ARRB1: variants seen among roughly 807,000 people sequenced by gnomAD.
ARRB1 encodes beta-arrestin-1.
A neutral mutation model predicts 56.8 loss-of-function variants in ARRB1; 21 were observed. The observed-to-expected ratio is 0.37, with a 90% confidence interval of 0.26 to 0.53. The LOEUF (loss-of-function observed/expected upper bound fraction) is 0.53, where lower values mean the gene tolerates loss of function less well. Among genes scored for constraint, ARRB1 ranks in the 20% least tolerant of loss-of-function variants. ARRB1 has a pLI of 0.88. For missense variants in ARRB1, 424 were observed against 553.7 expected (o/e 0.77, Z 2.35); for synonymous variants, 210 against 218.6 (o/e 0.96, Z 0.35).
At chr11:75,327,375 G>A (rs574018677) in intron 1 of ARRB1, among the ~76,000 whole-genome samples, 3 of 150,608 alleles carry the variant, frequency 2.0e-5, no homozygotes, top group African/African-American at 4.9e-5. Flanking sequence ...CTAGGTTGCC[G>A]AGGATGATCT....
rs1487795478 is a variant in ARRB1, at chr11:75,263,823, G to T, written c.*2340C>A. 6.6e-6 allele frequency among the ~76,000 whole-genome samples: 1 copy of T among 152,160 alleles called. No homozygotes were observed. Among genetic ancestry groups the T allele is most frequent in the Non-Finnish European group, 1.5e-5 (1 of 68,038 alleles). ...AAATAACACTGGGCTAAACCCAAAA[G>T]GGTGAGCGTGATGTTGAGGTGCAGG... On this transcript the variant is annotated 3_prime_UTR_variant, in exon 16 of 16. Transcript: ENST00000420843.
chr11:75,285,668 T>C (rs571626962), intron 3 of ARRB1, among the ~76,000 whole-genome samples: 1 of 152,098 alleles, frequency 6.6e-6, no homozygotes, highest in South Asian at 2.1e-4. Context: ...TGATCAGCTC[T>C]GCACAGTGCC....
intron 1 of ARRB1, among the ~76,000 whole-genome samples, chr11:75,306,166 G>A (rs1795311298): frequency 6.6e-6 from 1 of 152,082 alleles, no homozygotes; most frequent in African/African-American, 2.4e-5. Context: ...CAGCTCTCAG[G>A]AGACTCCAGA....
chr11:75,335,571 C>T (rs1295419888), intron 1 of ARRB1, among the ~76,000 whole-genome samples: 2 of 137,336 alleles, frequency 1.5e-5, no homozygotes, highest in African/African-American at 6.0e-5. Flanking sequence ...GGCAACAGAG[C>T]CAGGCCCTGT....
At chr11:75,269,212 G>C in intron 13 of ARRB1, 1 of 708,656 alleles carries the variant, frequency 1.4e-6, no homozygotes, top group South Asian at 1.4e-5. Flanking sequence ...GGGTTCCCAC[G>C]GGCTGGGAAG....
At chr11:75,321,116 C>T (rs1029906722) in intron 1 of ARRB1, among the ~76,000 whole-genome samples, 3 of 152,202 alleles carry the variant, frequency 2.0e-5, no homozygotes, top group African/African-American at 4.8e-5. Flanking sequence ...CACCTGCACA[C>T]CTGCTTTCCT....
At chr11:75,305,194 C>T (rs1182343432) in intron 1 of ARRB1, among the ~76,000 whole-genome samples, 2 of 149,622 alleles carry the variant, frequency 1.3e-5, no homozygotes, top group African/African-American at 2.5e-5. Flanking sequence ...ACCACGCCCA[C>T]CCAGCTAATT....
chr11:75,295,833 G>A (rs4945005), intron 1 of ARRB1, among the ~76,000 whole-genome samples: 1,941 of 152,122 alleles, frequency 0.013, 35 homozygotes, highest in African/African-American at 0.042. Context: ...AAGCTCTTGA[G>A]CCACTAAGAT....
chr11:75,284,254 C>T lies in ARRB1; in HGVS notation c.138G>A (p.Glu46=), dbSNP rs776263812. Residue 46 remains glutamate (E), a synonymous_variant, in exon 4 of 16, where the codon GAG becomes GAA. Coordinates refer to ENST00000420843, the MANE Select transcript of ARRB1 (RefSeq NM_004041.5). ...PVDGVVLVDP[E]YLKERRVYVT... is the part of the protein sequence containing the mutation. ...GCCTACCTCTCCGCTCTTTGAGATA[C>T]TCAGGATCCACCAGGACCACACCAT... 1.2e-6 allele frequency: 2 copies of T among 1,609,610 alleles called. No individual in the cohort carries two copies. The highest frequency in any genetic ancestry group is 8.5e-7 in the Non-Finnish European group (1 of 1,176,874).
intron 1 of ARRB1, among the ~76,000 whole-genome samples, chr11:75,340,912 C>T (rs566006676): frequency 1.3e-5 from 2 of 152,240 alleles, no homozygotes; most frequent in Admixed American, 6.5e-5. Context: ...GCCAGCAGCC[C>T]CAGCACCACA....
At chr11:75,269,006 C>A in intron 13 of ARRB1, 47 bp from the exon 14 acceptor site, 2 of 1,576,542 alleles carry the variant, frequency 1.3e-6, no homozygotes, top group Non-Finnish European at 1.7e-6. Flanking sequence ...GACTCACAGG[C>A]TGTGAGACTT....
intron 13 of ARRB1, chr11:75,269,234 TG>T: frequency 1.5e-6 from 1 of 674,756 alleles, no homozygotes; most frequent in Non-Finnish European, 2.7e-6. Context: ...GGCCCAGGGG[TG>T]GGAAAGGATT....
At chr11:75,277,001 C>G (rs1046101277) in intron 9 of ARRB1, 90 bp from the exon 10 acceptor site, 39 of 1,350,884 alleles carry the variant, frequency 2.9e-5, no homozygotes, top group Non-Finnish European at 4.1e-5. Flanking sequence ...GATATTCAGC[C>G]CCAGGCAATG....
chr11:75,300,588 T>C lies in ARRB1; in HGVS notation c.21-10549A>G, dbSNP rs1946875998. On this transcript the variant is annotated intron_variant, in intron 1 of 15. Transcript: ENST00000420843. ...GGTTCACACCTTTAATCCCAGCACTTTGGGAGGCCGAGGTGGGCGGATCAT... is the reference window on the plus strand; with the variant it reads ...GGTTCACACCTTTAATCCCAGCACTCTGGGAGGCCGAGGTGGGCGGATCAT... Among the ~76,000 whole-genome samples, 7 of 152,240 alleles carry C rather than the reference T, an allele frequency of 4.6e-5. No homozygotes were observed. In the South Asian group the frequency reaches 1.2e-3, roughly 27 times the overall value.
At chr11:75,347,338 T>C (rs1947786091) in intron 1 of ARRB1, among the ~76,000 whole-genome samples, 2 of 152,110 alleles carry the variant, frequency 1.3e-5, no homozygotes, top group Admixed American at 1.3e-4. Context: ...ACACAGGGCT[T>C]AACCACCAAG....
Position 75,322,048 on chromosome 11 carries a change from C to G in ARRB1, c.20+29540G>C, listed in dbSNP as rs117757400. 8.3e-3 allele frequency among the ~76,000 whole-genome samples: 1,259 copies of G among 152,344 alleles called. 7 individuals carry two copies. The highest frequency in any genetic ancestry group is 0.013 in the Non-Finnish European group (903 of 68,032). Reference sequence around the variant, plus strand: ...TCATACAAACAAGTATATGGTGACTCTCACAATAAATGCTATAAAGTGGAG... The same window carrying G: ...TCATACAAACAAGTATATGGTGACTGTCACAATAAATGCTATAAAGTGGAG... On this transcript the variant is annotated intron_variant, in intron 1 of 15. Transcript: ENST00000420843.
Position 75,278,703 on chromosome 11 carries a change from G to A in ARRB1, c.524C>T (p.Pro175Leu). ...TGTGGGCTGGGGGCCAGGCCTCTCTGGGGCATACTGAACCTTCCGGATGAC... is the reference window on the plus strand; with the variant it reads ...TGTGGGCTGGGGGCCAGGCCTCTCTAGGGCATACTGAACCTTCCGGATGAC... Reference protein sequence around the residue: ...RLVIRKVQYAPERPGPQPTAE... With the variant: ...RLVIRKVQYALERPGPQPTAE... Residue 175 changes from proline (P) to leucine (L), a missense_variant, in exon 8 of 16, where the codon CCA (proline) becomes CTA (leucine). Physicochemically the swap from Pro to Leu is moderately conservative, Grantham distance 98. Coordinates refer to ENST00000420843, the MANE Select transcript of ARRB1 (RefSeq NM_004041.5). 1 of 1,613,874 alleles carries A rather than the reference G, an allele frequency of 6.2e-7. No individual in the cohort carries two copies. The highest frequency in any genetic ancestry group is 8.5e-7 in the Non-Finnish European group (1 of 1,179,862).
intron 1 of ARRB1, among the ~76,000 whole-genome samples, chr11:75,319,315 G>A (rs545080578): frequency 2.6e-5 from 4 of 152,288 alleles, no homozygotes; most frequent in South Asian, 2.1e-4. Context: ...GCCCAGGCCC[G>A]CAGCACAGAG....
In ARRB1 at chr11:75,327,605, T is replaced by G. The variant is rs540539114; in HGVS notation, c.20+23983A>C. Among the ~76,000 whole-genome samples the G allele has an allele frequency of 3.2e-4, 48 of 151,536 alleles. 2 individuals carry two copies. The highest frequency in any genetic ancestry group is 7.9e-4 in the Admixed American group (12 of 15,248). On this transcript the variant is annotated intron_variant, in intron 1 of 15. Coordinates refer to ENST00000420843, the MANE Select transcript of ARRB1 (RefSeq NM_004041.5). ...TGTTTTGTTTTTTGTTTTTGTTTTT[T>G]TTTTTTGAGTCTTGCTCTTGTCGCC...
Sources: allele counts gnomAD v4.1 joint callset (sites outside exome capture counted in the v4.1 genomes callset), GRCh38; gene constraint gnomAD v4.1.1; transcripts MANE v1.5; gene names NCBI Gene and HGNC (gene_info 2026-07-23, HGNC 2026-07-21).